Variants in CNTNAP2 observed in about 807,000 individuals in gnomAD.
CNTNAP2 encodes contactin-associated protein-like 2.
A neutral mutation model predicts 155.2 loss-of-function variants in CNTNAP2; 98 were observed. That is an observed-to-expected ratio of 0.63 (90% confidence interval 0.54 to 0.75). The LOEUF (loss-of-function observed/expected upper bound fraction) is 0.75, where lower values mean the gene tolerates loss of function less well. Ranked by LOEUF, CNTNAP2 falls within the 30% of genes least tolerant of loss-of-function variation. The pLI is 0.00. For missense variants in CNTNAP2, 1,727 were observed against 1,688.1 expected (o/e 1.02, Z -0.40); for synonymous variants, 651 against 631.2 (o/e 1.03, Z -0.47).
At chr7:146,120,290 G>A (rs1797542941) in intron 1 of CNTNAP2, among the ~76,000 whole-genome samples, 1 of 152,042 alleles carries the variant, frequency 6.6e-6, no homozygotes, top group African/African-American at 2.4e-5. Flanking sequence ...AGGAGCTTTA[G>A]GCAAGCAAAA....
intron 11 of CNTNAP2, among the ~76,000 whole-genome samples, chr7:147,499,238 ATACT>A (rs1476354675): frequency 6.6e-6 from 1 of 152,158 alleles, no homozygotes; most frequent in East Asian, 1.9e-4. Context: ...ATATTTTAAA[ATACT>A]TACCAGCCAG....
At chr7:147,083,640 T>C (rs893351813) in intron 4 of CNTNAP2, among the ~76,000 whole-genome samples, 4 of 145,484 alleles carry the variant, frequency 2.7e-5, no homozygotes, top group African/African-American at 5.0e-5. Context: ...TATGTGTGTA[T>C]ATATCTATAA....
intron 1 of CNTNAP2, among the ~76,000 whole-genome samples, chr7:146,513,129 C>T (rs917226729): frequency 6.6e-6 from 1 of 151,676 alleles, no homozygotes; most frequent in Non-Finnish European, 1.5e-5. Flanking sequence ...GTTTGTTTGT[C>T]TCCATTTACT....
At chr7:147,775,666 A>G (rs1384524288) in intron 13 of CNTNAP2, among the ~76,000 whole-genome samples, 1 of 151,822 alleles carries the variant, frequency 6.6e-6, no homozygotes, top group African/African-American at 2.4e-5. Context: ...TAACAGCATG[A>G]CACAGCTGCT....
At chr7:146,139,774 G>T (rs1797851830) in intron 1 of CNTNAP2, among the ~76,000 whole-genome samples, 1 of 152,032 alleles carries the variant, frequency 6.6e-6, no homozygotes, top group Non-Finnish European at 1.5e-5. Context: ...TGTGGAAATA[G>T]AAGTGTTTTT....
chr7:148,277,586 A>ACCCCCCCCCCCCCCCCCCCC (rs147409823), intron 21 of CNTNAP2, among the ~76,000 whole-genome samples: 5 of 140,182 alleles, frequency 3.6e-5, no homozygotes, highest in Non-Finnish European at 7.7e-5. Flanking sequence ...TTAGTACAGG[A>ACCCCCCCCCCCCCCCCCCCC]CCGCCCCCCA....
chr7:147,375,391 G>A (rs1008281578), intron 9 of CNTNAP2, among the ~76,000 whole-genome samples: 1 of 151,826 alleles, frequency 6.6e-6, no homozygotes, highest in African/African-American at 2.4e-5. Flanking sequence ...CAGTAACATT[G>A]GTAATTATGC....
chr7:147,829,606 G>T (rs1327049410), intron 13 of CNTNAP2, among the ~76,000 whole-genome samples: 1 of 152,090 alleles, frequency 6.6e-6, no homozygotes, highest in Admixed American at 6.6e-5. Context: ...ATTGATCAAG[G>T]TCATAGGACT....
intron 10 of CNTNAP2, among the ~76,000 whole-genome samples, chr7:147,442,664 G>C (rs767943268): frequency 1.4e-4 from 22 of 152,186 alleles, no homozygotes; most frequent in Non-Finnish European, 2.4e-4. Flanking sequence ...CCTCAGTGTA[G>C]TACCAGGTAT....
At chr7:147,463,129 A>G (rs1007390007) in intron 10 of CNTNAP2, among the ~76,000 whole-genome samples, 1 of 152,202 alleles carries the variant, frequency 6.6e-6, no homozygotes, top group Admixed American at 6.5e-5. Context: ...TGGGTCCTCT[A>G]TCATTTTTTA....
At chr7:148,180,322 C>A (rs956741929) in intron 18 of CNTNAP2, among the ~76,000 whole-genome samples, 1 of 151,440 alleles carries the variant, frequency 6.6e-6, no homozygotes, top group Non-Finnish European at 1.5e-5. Flanking sequence ...TTCTTTTCTT[C>A]TTAGAGAATT....
intron 1 of CNTNAP2, among the ~76,000 whole-genome samples, chr7:146,574,122 G>A (rs1260574669): frequency 6.6e-6 from 1 of 152,066 alleles, no homozygotes; most frequent in Non-Finnish European, 1.5e-5. Context: ...TAAAGACCAT[G>A]TCTAAATGTC....
At chr7:147,285,971 A>G (rs905893111) in intron 8 of CNTNAP2, among the ~76,000 whole-genome samples, 2 of 152,064 alleles carry the variant, frequency 1.3e-5, no homozygotes, top group Non-Finnish European at 2.9e-5. Context: ...TCTGATTTGT[A>G]AAATATAGAG....
At chr7:146,174,030 C>A (rs547560483) in intron 1 of CNTNAP2, among the ~76,000 whole-genome samples, 1 of 151,776 alleles carries the variant, frequency 6.6e-6, no homozygotes, top group African/African-American at 2.4e-5. Flanking sequence ...AACAGTGATA[C>A]CCTATCTCTA....
intron 13 of CNTNAP2, among the ~76,000 whole-genome samples, chr7:147,668,121 T>A (rs183077038): frequency 3.9e-5 from 6 of 152,016 alleles, no homozygotes; most frequent in Non-Finnish European, 4.4e-5. Context: ...GTTGTTGGAA[T>A]AGAACATATA....
intron 9 of CNTNAP2, among the ~76,000 whole-genome samples, chr7:147,329,144 C>A (rs892583424): frequency 1.1e-4 from 17 of 150,782 alleles, no homozygotes; most frequent in African/African-American, 2.2e-4. Context: ...GAGCACCCCC[C>A]CACACACACA....
chr7:146,232,549 T>C (rs540344118), intron 1 of CNTNAP2, among the ~76,000 whole-genome samples: 1 of 152,222 alleles, frequency 6.6e-6, no homozygotes, highest in South Asian at 2.1e-4. Flanking sequence ...ATCCTCCATA[T>C]TAGCCTATAA....
intron 13 of CNTNAP2, among the ~76,000 whole-genome samples, chr7:147,717,204 G>A (rs1053535120): frequency 4.6e-5 from 7 of 152,000 alleles, no homozygotes; most frequent in African/African-American, 7.2e-5. Context: ...ATGAAATGTC[G>A]TATTTTTAAA....
intron 18 of CNTNAP2, among the ~76,000 whole-genome samples, chr7:148,211,640 A>G (rs1795552834): frequency 6.6e-6 from 1 of 152,216 alleles, no homozygotes; most frequent in Non-Finnish European, 1.5e-5. Flanking sequence ...CTACCAACTT[A>G]CCATTGGGTC....
Sources: allele counts gnomAD v4.1 joint callset (sites outside exome capture counted in the v4.1 genomes callset), GRCh38; gene constraint gnomAD v4.1.1; transcripts MANE v1.5; gene names NCBI Gene and HGNC (gene_info 2026-07-23, HGNC 2026-07-21).